Variants in ALDH1L2 observed in about 807,000 individuals in gnomAD.
The protein encoded by ALDH1L2 is aldehyde dehydrogenase 1 family member L2.
ALDH1L2 carries 91 observed loss-of-function variants against 111.0 expected under a neutral mutation model. That is an observed-to-expected ratio of 0.82 (90% CI 0.69 to 0.98). The LOEUF is 0.98. Ranked by LOEUF, ALDH1L2 falls within the 50% of genes least tolerant of loss-of-function variation. The pLI, the probability that ALDH1L2 is intolerant of heterozygous loss-of-function variation, is 0.00. For missense variants in ALDH1L2, 995 were observed against 1,126.8 expected, an observed-to-expected ratio of 0.88 and a Z score of 1.67; for synonymous variants, 374 against 392.6, an observed-to-expected ratio of 0.95 and a Z score of 0.56.
At chr12:105,047,351 G>T in intron 13 of ALDH1L2, 1 of 232,966 alleles carries the variant, frequency 4.3e-6, no homozygotes, top group Admixed American at 5.1e-5. Flanking sequence ...GTCAGTGGAA[G>T]ATACAAGCAC....
rs562600033 is a variant in ALDH1L2, at chr12:105,052,896, C to A, written c.1323G>T (p.Met441Ile). 2.8e-5 allele frequency: 45 copies of A among 1,613,902 alleles called. No homozygotes were observed. In the South Asian group the frequency reaches 4.8e-4, roughly 17 times the overall value. Residue 441 changes from methionine (M) to isoleucine (I), a missense_variant, in exon 11 of 23, where the codon ATG becomes ATT. By Grantham distance (10) the Met-to-Ile change is conservative. Coordinates refer to ENST00000258494, the MANE Select transcript of ALDH1L2 (RefSeq NM_001034173.4). The stretch of plus-strand genomic sequence containing the variant: ...GTCCATTTATGAAACACTGGTATGG[C>A]ATTTTTACCATGATTTCATTGACCT... ...SKEVNEIMVK[M>I]PYQCFINGQF...
intron 12 of ALDH1L2, chr12:105,050,743 A>G (rs1460655078): frequency 2.2e-6 from 1 of 448,238 alleles, no homozygotes; most frequent in Non-Finnish European, 4.5e-6. Flanking sequence ...TGGGTAATTT[A>G]TAAAGGAAAG....
In ALDH1L2 at chr12:105,070,661, G is replaced by C. The variant is rs199841702; in HGVS notation, c.337C>G (p.Pro113Ala). The C allele has an allele frequency of 1.1e-4, 177 of 1,614,146 alleles. 1 individual carries two copies. The East Asian group carries it at 3.4e-3, about 31-fold the overall frequency. The change falls in exon 3 of 23, where the codon CCC becomes GCC. Residue 113 changes from proline (P) to alanine (A), a missense_variant. By Grantham distance (27) the Pro-to-Ala change is conservative (BLOSUM62 -1). Transcript: ENST00000258494. ...TTTGGACTATCAATTATATCCATGG[G>C]AATGAACTGAGTGCAGAAAGGGAGC... The part of the protein sequence containing the change: ...NVLPFCTQFI[P>A]MDIIDSPKHG...
chr12:105,029,024 A>ATTTTT (rs770703019), intron 21 of ALDH1L2, among the ~76,000 whole-genome samples: 1 of 138,230 alleles, frequency 7.2e-6, no homozygotes, highest in Non-Finnish European at 1.5e-5. Flanking sequence ...ATCTGCTTAA[A>ATTTTT]TTTTTTTTTT....
At chr12:105,042,114 T>C (rs1875573139) in intron 15 of ALDH1L2, among the ~76,000 whole-genome samples, 1 of 152,140 alleles carries the variant, frequency 6.6e-6, no homozygotes, top group African/African-American at 2.4e-5. Flanking sequence ...TATGTGTGTA[T>C]CTATCCCTCA....
chr12:105,053,327 A>G (rs1565961324), intron 10 of ALDH1L2, among the ~76,000 whole-genome samples: 1 of 152,200 alleles, frequency 6.6e-6, no homozygotes. Context: ...CACTGGTGCC[A>G]TTTTAAGTTT....
Position 105,024,391 on chromosome 12 carries a change from G to A in ALDH1L2, c.*33C>T, listed in dbSNP as rs1379250983. 1 of 1,611,562 alleles carries A rather than the reference G, an allele frequency of 6.2e-7. No individual in the cohort carries two copies. The highest frequency in any genetic ancestry group is 8.5e-7 in the Non-Finnish European group (1 of 1,177,994). Reference sequence around the variant, plus strand: ...AGTGTGTCCAGAGTTGTAAAGGGCTGTCTGTCAAGGCTTTCCTGATGATGG... The same window carrying A: ...AGTGTGTCCAGAGTTGTAAAGGGCTATCTGTCAAGGCTTTCCTGATGATGG... On this transcript the variant is annotated 3_prime_UTR_variant, in exon 23 of 23. Coordinates refer to ENST00000258494, the MANE Select transcript of ALDH1L2 (RefSeq NM_001034173.4).
intron 15 of ALDH1L2, among the ~76,000 whole-genome samples, chr12:105,045,639 A>T (rs1018273882): frequency 6.6e-6 from 1 of 152,142 alleles, no homozygotes; most frequent in Non-Finnish European, 1.5e-5. Flanking sequence ...ACATTTCACT[A>T]TCTACCTCTT....
chr12:105,047,802 T>G (rs7313093), intron 13 of ALDH1L2: 63,556 of 151,954 alleles, frequency 0.42, 13,518 homozygotes, highest in South Asian at 0.52. Flanking sequence ...AATTCAGAAT[T>G]TTTTGGACTT....
intron 13 of ALDH1L2, among the ~76,000 whole-genome samples, chr12:105,049,060 T>A (rs924195552): frequency 6.7e-6 from 1 of 149,224 alleles, no homozygotes; most frequent in Non-Finnish European, 1.5e-5. Flanking sequence ...TTTTTTTAAT[T>A]TATTTCTCCT....
At chr12:105,083,592 T>C (rs1174039435) in intron 1 of ALDH1L2, among the ~76,000 whole-genome samples, 1 of 152,154 alleles carries the variant, frequency 6.6e-6, no homozygotes, top group Non-Finnish European at 1.5e-5. Context: ...GTACTTCCTA[T>C]AAAAGATACG....
chr12:105,049,023 C>A (rs1317118226), intron 13 of ALDH1L2, among the ~76,000 whole-genome samples: 1 of 150,418 alleles, frequency 6.6e-6, no homozygotes, highest in Non-Finnish European at 1.5e-5. Context: ...GAGCAAGACT[C>A]CATCTCAAAA....
chr12:105,030,178 G>T (rs955775498), intron 21 of ALDH1L2, 146 bp downstream of exon 21: 1 of 526,630 alleles, frequency 1.9e-6, no homozygotes, highest in Non-Finnish European at 3.0e-6. Context: ...TAGCAAAAGC[G>T]TAACTTCTAA....
rs761211967 is a variant in ALDH1L2, at chr12:105,073,879, C to T, written c.175G>A (p.Gly59Arg). The T allele has an allele frequency of 6.2e-7, 1 of 1,614,132 alleles. No homozygotes were observed. The highest frequency in any genetic ancestry group is 8.5e-7 in the Non-Finnish European group (1 of 1,180,026). Residue 59 changes from glycine (G) to arginine (R), a missense_variant, in exon 2 of 23, where the codon GGA becomes AGA. Coordinates refer to ENST00000258494, the MANE Select transcript of ALDH1L2 (RefSeq NM_001034173.4). The part of the protein sequence containing the change: ...VGVFTVPDKD[G>R]KADPLALAAE... ...CACTCACCCAGAGGGTCAGCTTTTC[C>T]ATCCTTGTCTGGAACTGTGAACACC...
intron 9 of ALDH1L2, among the ~76,000 whole-genome samples, chr12:105,059,676 G>T (rs1876868504): frequency 6.6e-6 from 1 of 152,202 alleles, no homozygotes. Flanking sequence ...GAATAAAGGG[G>T]ACGTTGTCTA....
chr12:105,049,177 T>C (rs1457645898), intron 13 of ALDH1L2, among the ~76,000 whole-genome samples: 2 of 152,210 alleles, frequency 1.3e-5, no homozygotes, highest in Admixed American at 6.5e-5. Context: ...CCCTACATGA[T>C]ACTAGGCTTC....
chr12:105,070,397 C>A, intron 3 of ALDH1L2, 173 bp downstream of exon 3: 2 of 611,948 alleles, frequency 3.3e-6, no homozygotes, highest in South Asian at 4.1e-5. Flanking sequence ...GAAATACACT[C>A]ACCCTCTGTG....
intron 21 of ALDH1L2, among the ~76,000 whole-genome samples, chr12:105,028,896 T>C (rs1403655124): frequency 2.6e-5 from 4 of 152,228 alleles, no homozygotes; most frequent in African/African-American, 9.6e-5. Context: ...TGCAATGCTC[T>C]ATTGATGTCC....
intron 1 of ALDH1L2, among the ~76,000 whole-genome samples, chr12:105,080,517 G>T (rs997122245): frequency 3.3e-5 from 5 of 152,042 alleles, no homozygotes; most frequent in African/African-American, 1.2e-4. Context: ...CTTGTTTATT[G>T]TTTTATCTTT....
Sources: allele counts gnomAD v4.1 joint callset (sites outside exome capture counted in the v4.1 genomes callset), GRCh38; gene constraint gnomAD v4.1.1; transcripts MANE v1.5; gene names NCBI Gene and HGNC (gene_info 2026-07-23, HGNC 2026-07-21).